The following DENND1A variants were observed in gnomAD, a reference collection of about 807,000 sequenced individuals.
DENND1A encodes the protein DENN domain containing 1A.
In DENND1A, 51 loss-of-function variants were observed where a neutral mutation model predicts 113.7. That is an observed-to-expected ratio of 0.45 (90% CI 0.36 to 0.57). The LOEUF is 0.57. Ranked by LOEUF, DENND1A falls within the 20% of genes least tolerant of loss-of-function variation. The pLI, the probability that DENND1A is intolerant of heterozygous loss-of-function variation, is 0.00. For synonymous variants in DENND1A, 565 were observed against 570.8 expected (o/e 0.99, Z 0.14); for missense variants, 1,258 against 1,395.9 (o/e 0.90, Z 1.57).
chr9:123,661,044 C>T (rs182615817), intron 8 of DENND1A, among the ~76,000 whole-genome samples: 5 of 152,178 alleles, frequency 3.3e-5, no homozygotes, highest in African/African-American at 7.2e-5. Context: ...GACAAGCATG[C>T]GACTGAGGTT....
At chr9:123,634,689 A>C (rs1214058481) in intron 9 of DENND1A, among the ~76,000 whole-genome samples, 2 of 152,256 alleles carry the variant, frequency 1.3e-5, no homozygotes, top group Non-Finnish European at 2.9e-5. Flanking sequence ...ACTCAGTGAG[A>C]GAATGGAAAG....
intron 2 of DENND1A, chr9:123,843,296 CT>C: frequency 2.5e-6 from 1 of 405,800 alleles, no homozygotes; most frequent in Non-Finnish European, 4.9e-6. Context: ...TATCTACCTT[CT>C]TTTGTCCTGT....
At chr9:123,818,549 CACACACACACACACACACATAT>C (rs1837930344) in intron 2 of DENND1A, among the ~76,000 whole-genome samples, 1 of 147,894 alleles carries the variant, frequency 6.8e-6, no homozygotes, top group East Asian at 2.2e-4. Context: ...CACACACACA[CACACACACACACACACACATAT>C]ATATATATAT....
At position 123,588,988 on chromosome 9, in the gene DENND1A, G is replaced by A. The variant is rs79777372; in HGVS notation, c.766-5718C>T. Among the ~76,000 whole-genome samples the A allele has an allele frequency of 1.8e-4, 28 of 152,148 alleles. No individual in the cohort carries two copies. In the East Asian group the frequency reaches 4.9e-3, roughly 26 times the overall value. On this transcript the variant is annotated intron_variant, in intron 11 of 23. Coordinates refer to ENST00000394215, the MANE Select transcript of DENND1A (RefSeq NM_001352964.2). ...TCACCATGTTGGCCAAAGTGGTCTT[G>A]ATCTCCTGATCTCGTGATCCACCCA... is the stretch of plus-strand genomic sequence containing the variant.
intron 1 of DENND1A, among the ~76,000 whole-genome samples, chr9:123,911,532 A>C (rs1853962464): frequency 1.3e-5 from 2 of 152,216 alleles, no homozygotes; most frequent in South Asian, 4.1e-4. Flanking sequence ...GCAATGAAAA[A>C]CAATGAACTA....
chr9:123,804,814 C>G (rs1202938640), intron 2 of DENND1A, among the ~76,000 whole-genome samples: 2 of 152,204 alleles, frequency 1.3e-5, no homozygotes, highest in African/African-American at 4.8e-5. Context: ...TCATTTTCCA[C>G]CTGGATTAAC....
intron 20 of DENND1A, among the ~76,000 whole-genome samples, chr9:123,410,857 AC>A (rs2044250658): frequency 6.6e-6 from 1 of 152,072 alleles, no homozygotes; most frequent in African/African-American, 2.4e-5. Context: ...CCCTTGGTAA[AC>A]AGCCCCCATC....
At chr9:123,512,373 G>A (rs983771022) in intron 13 of DENND1A, among the ~76,000 whole-genome samples, 8 of 152,220 alleles carry the variant, frequency 5.3e-5, no homozygotes. Context: ...CATGGGAGTG[G>A]GGTGCGACTG....
intron 2 of DENND1A, among the ~76,000 whole-genome samples, chr9:123,864,146 C>T (rs1239878911): frequency 6.6e-6 from 1 of 152,086 alleles, no homozygotes; most frequent in Admixed American, 6.5e-5. Context: ...ACTAACCAGG[C>T]ACTGTTAATT....
At chr9:123,666,086 T>C (rs1000240192) in intron 8 of DENND1A, among the ~76,000 whole-genome samples, 3 of 152,182 alleles carry the variant, frequency 2.0e-5, no homozygotes, top group African/African-American at 7.2e-5. Flanking sequence ...GCTTAATGAG[T>C]ACAGAGTTTC....
intron 11 of DENND1A, among the ~76,000 whole-genome samples, chr9:123,586,478 C>T (rs570242309): frequency 3.3e-5 from 5 of 152,328 alleles, no homozygotes; most frequent in African/African-American, 1.2e-4. Context: ...AACCTGGCCC[C>T]TTTTTCTAAC....
chr9:123,615,198 C>T (rs569927546), intron 10 of DENND1A, among the ~76,000 whole-genome samples: 1 of 152,238 alleles, frequency 6.6e-6, no homozygotes, highest in Non-Finnish European at 1.5e-5. Flanking sequence ...TAGGCTAAGG[C>T]ATTTTCCTCA....
intron 11 of DENND1A, among the ~76,000 whole-genome samples, chr9:123,591,057 C>T (rs1015413870): frequency 2.6e-5 from 4 of 152,114 alleles, no homozygotes; most frequent in African/African-American, 4.8e-5. Context: ...ATATAAAAAG[C>T]CAATGTCCCT....
At chr9:123,903,140 G>A (rs373483997) in intron 1 of DENND1A, among the ~76,000 whole-genome samples, 297 of 151,234 alleles carry the variant, frequency 2.0e-3, no homozygotes, top group African/African-American at 7.0e-3. Context: ...AGACCATCCC[G>A]GCTAAAACGG....
chr9:123,873,286 T>C (rs889679835), intron 2 of DENND1A, among the ~76,000 whole-genome samples: 41 of 152,214 alleles, frequency 2.7e-4, no homozygotes, highest in African/African-American at 9.9e-4. Context: ...ATTTTATTTG[T>C]ACAATCTTTG....
chr9:123,697,299 C>A (rs556676277), intron 5 of DENND1A, among the ~76,000 whole-genome samples: 1 of 152,186 alleles, frequency 6.6e-6, no homozygotes. Context: ...TCATACAAGA[C>A]AAAATTAATT....
chr9:123,455,659 A>G (rs2048062509), intron 15 of DENND1A, among the ~76,000 whole-genome samples: 1 of 152,186 alleles, frequency 6.6e-6, no homozygotes, highest in African/African-American at 2.4e-5. Flanking sequence ...GTCCCATTGA[A>G]AGGACCCTGC....
intron 5 of DENND1A, among the ~76,000 whole-genome samples, chr9:123,681,666 T>C (rs1291336066): frequency 6.6e-6 from 1 of 152,124 alleles, no homozygotes; most frequent in African/African-American, 2.4e-5. Flanking sequence ...TGGGGCATCA[T>C]GATGTTCAGT....
intron 19 of DENND1A, among the ~76,000 whole-genome samples, chr9:123,432,918 G>A (rs528266431): frequency 6.6e-6 from 1 of 152,346 alleles, no homozygotes; most frequent in South Asian, 2.1e-4. Flanking sequence ...CCCACCCAGA[G>A]GTGTAGGGAC....
Sources: gnomAD v4.1 joint callset for allele counts (sites outside exome capture counted in the v4.1 genomes callset) on GRCh38, gnomAD v4.1.1 for gene constraint, MANE v1.5 for transcripts, NCBI Gene and HGNC (gene_info 2026-07-23, HGNC 2026-07-21) for gene names.